Variants in TLE1 observed in about 807,000 individuals in gnomAD.
TLE1 encodes transducin-like enhancer protein 1.
A neutral mutation model predicts 89.8 loss-of-function variants in TLE1; 21 were observed. The observed-to-expected ratio is 0.23, with a 90% CI of 0.17 to 0.34. TLE1 has a LOEUF of 0.34. TLE1 is among the 10% of genes least tolerant of loss of function. The pLI is 1.00. For missense variants in TLE1, 795 were observed against 1,031.2 expected (o/e 0.77, Z 3.14); for synonymous variants, 447 against 407.6 (o/e 1.10, Z -1.16).
intron 6 of TLE1, among the ~76,000 whole-genome samples, chr9:81,640,496 C>T (rs1827972241): frequency 6.6e-6 from 1 of 151,924 alleles, no homozygotes; most frequent in African/African-American, 2.4e-5. Flanking sequence ...AAGGGAATGA[C>T]AAACATTCAG....
chr9:81,666,842 G>A (rs1427578194), intron 4 of TLE1, among the ~76,000 whole-genome samples: 1 of 151,526 alleles, frequency 6.6e-6, no homozygotes, highest in East Asian at 1.9e-4. Context: ...TAAAGACAAA[G>A]GCCTGAAGCA....
chr9:81,677,494 G>A (rs1017495404), intron 4 of TLE1, among the ~76,000 whole-genome samples: 1 of 150,806 alleles, frequency 6.6e-6, no homozygotes, highest in African/African-American at 2.4e-5. Context: ...GAACCCGGGA[G>A]GCGGAGCTTG....
chr9:81,662,191 C>G (rs962360972), intron 4 of TLE1, among the ~76,000 whole-genome samples: 9 of 152,148 alleles, frequency 5.9e-5, no homozygotes, highest in African/African-American at 2.2e-4. Context: ...AACATTTGCC[C>G]TCCTAATAAA....
At chr9:81,608,780 T>C (rs1199839188) in intron 14 of TLE1, among the ~76,000 whole-genome samples, 2 of 151,436 alleles carry the variant, frequency 1.3e-5, no homozygotes, top group East Asian at 2.0e-4. Flanking sequence ...CTACTAAAAA[T>C]ACAAAAATTA....
At chr9:81,660,167 C>T (rs1830589615) in intron 4 of TLE1, among the ~76,000 whole-genome samples, 1 of 152,050 alleles carries the variant, frequency 6.6e-6, no homozygotes, top group South Asian at 2.1e-4. Flanking sequence ...AATACTGTGA[C>T]ACATTTCTTT....
chr9:81,636,334 T>C (rs973012632), intron 6 of TLE1, among the ~76,000 whole-genome samples: 3 of 151,348 alleles, frequency 2.0e-5, no homozygotes, highest in East Asian at 2.0e-4. Context: ...AGCACTTAAT[T>C]AGGAACTAGA....
intron 16 of TLE1, among the ~76,000 whole-genome samples, chr9:81,588,297 C>T (rs906100886): frequency 6.6e-6 from 1 of 152,172 alleles, no homozygotes; most frequent in Non-Finnish European, 1.5e-5. Context: ...ACAGGGTGTA[C>T]AGAAGCATTC....
intron 4 of TLE1, among the ~76,000 whole-genome samples, chr9:81,678,334 A>G (rs754868608): frequency 6.6e-6 from 1 of 152,108 alleles, no homozygotes; most frequent in Non-Finnish European, 1.5e-5. Context: ...CTCACTCAGC[A>G]CTAGTACTAG....
chr9:81,677,237 C>CT (rs1833005079), intron 4 of TLE1, among the ~76,000 whole-genome samples: 1 of 108,660 alleles, frequency 9.2e-6, no homozygotes, highest in Non-Finnish European at 1.9e-5. Context: ...GACTCGTCTT[C>CT]CCCCCCCCAA....
At chr9:81,651,722 G>C (rs902608407) in intron 6 of TLE1, among the ~76,000 whole-genome samples, 1 of 152,182 alleles carries the variant, frequency 6.6e-6, no homozygotes, top group Non-Finnish European at 1.5e-5. Flanking sequence ...TAAGACAGAA[G>C]TGAGGAAAGT....
intron 6 of TLE1, among the ~76,000 whole-genome samples, chr9:81,639,170 C>T (rs1474961964): frequency 6.6e-6 from 1 of 152,174 alleles, no homozygotes; most frequent in East Asian, 1.9e-4. Context: ...AAGCAATCCT[C>T]CTGCCTCAGC....
At chr9:81,683,603 T>C (rs1174288444) in intron 4 of TLE1, among the ~76,000 whole-genome samples, 1 of 152,200 alleles carries the variant, frequency 6.6e-6, no homozygotes, top group East Asian at 1.9e-4. Flanking sequence ...TTTTCAAATG[T>C]AAGTCCACTT....
intron 5 of TLE1, among the ~76,000 whole-genome samples, chr9:81,653,096 T>A (rs2093001774): frequency 6.6e-6 from 1 of 152,152 alleles, no homozygotes; most frequent in South Asian, 2.1e-4. Context: ...ATCACTAAAG[T>A]CTAACAACTA....
At chr9:81,604,557 A>C (rs1340528944) in intron 14 of TLE1, among the ~76,000 whole-genome samples, 1 of 152,220 alleles carries the variant, frequency 6.6e-6, no homozygotes, top group East Asian at 1.9e-4. Flanking sequence ...AAGGGCTAGA[A>C]GAGTTTTCAC....
intron 4 of TLE1, among the ~76,000 whole-genome samples, chr9:81,665,739 A>T (rs1410684575): frequency 6.6e-6 from 1 of 152,096 alleles, no homozygotes; most frequent in Non-Finnish European, 1.5e-5. Context: ...AGCGGGCTTG[A>T]GTGTGGGGCC....
At chr9:81,612,019 C>G (rs1183140976) in intron 12 of TLE1, 60 bp from the exon 13 acceptor site, 1 of 1,273,258 alleles carries the variant, frequency 7.9e-7, no homozygotes, top group Non-Finnish European at 1.0e-6. Context: ...ACCTGACCAG[C>G]AAGTCTGGCC....
intron 4 of TLE1, among the ~76,000 whole-genome samples, chr9:81,680,674 C>T (rs148786586): frequency 1.1e-4 from 16 of 152,110 alleles, no homozygotes; most frequent in African/African-American, 3.9e-4. Context: ...TCTTGCACCT[C>T]GGAATCTAGG....
At chr9:81,597,116 G>A (rs1305725904) in intron 14 of TLE1, among the ~76,000 whole-genome samples, 1 of 152,114 alleles carries the variant, frequency 6.6e-6, no homozygotes, top group Non-Finnish European at 1.5e-5. Context: ...TCTAGAATGT[G>A]TCTGTTTCGT....
intron 4 of TLE1, among the ~76,000 whole-genome samples, chr9:81,663,541 C>A (rs1831080890): frequency 2.0e-5 from 3 of 152,066 alleles, no homozygotes; most frequent in Non-Finnish European, 4.4e-5. Context: ...AACAAAGGGA[C>A]TACAGAAAGT....
Sources: allele counts gnomAD v4.1 joint callset (sites outside exome capture counted in the v4.1 genomes callset), GRCh38; gene constraint gnomAD v4.1.1; transcripts MANE v1.5; gene names NCBI Gene and HGNC (gene_info 2026-07-23, HGNC 2026-07-21).